The following SIGLEC14 variants were observed in gnomAD, a reference collection of about 807,000 sequenced individuals.
SIGLEC14 encodes sialic acid-binding Ig-like lectin 14.
A neutral mutation model predicts 34.2 loss-of-function variants in SIGLEC14; 11 were observed. That is an observed-to-expected ratio of 0.32 (90% CI 0.20 to 0.53). The LOEUF is 0.53. SIGLEC14 is among the 20% of genes least tolerant of loss of function. The probability of loss-of-function intolerance (pLI) is 0.95; values close to 1 mark genes in which losing one functional copy is unlikely to be tolerated. For synonymous variants in SIGLEC14, 99 were observed against 179.7 expected (o/e 0.55, Z 3.59); for missense variants, 264 against 439.0 (o/e 0.60, Z 3.56).
In SIGLEC14 at chr19:51,641,187, C is replaced by A. The variant is rs1365982339; in HGVS notation, c.*2168G>T. Among the ~76,000 whole-genome samples, 1 of 138,706 alleles carries A rather than the reference C, an allele frequency of 7.2e-6. No individual in the cohort carries two copies. Among genetic ancestry groups the A allele is most frequent in the Admixed American group, 6.9e-5 (1 of 14,392 alleles). 91.0% of individuals were successfully genotyped at this position (138,706 alleles called of 152,430 possible). ...GACAAAAAAGTTACCAGCTATAAAA[C>A]TGAACACCATTGGACAACTATGTCT... On this transcript the variant is annotated 3_prime_UTR_variant, in exon 7 of 7. Transcript: ENST00000360844.
At chr19:51,645,075 G>A (rs1474180842) in intron 4 of SIGLEC14, among the ~76,000 whole-genome samples, 1 of 138,238 alleles carries the variant, frequency 7.2e-6, no homozygotes, top group Non-Finnish European at 1.5e-5. Flanking sequence ...GTGACTGCTC[G>A]GTGGCAGGAG....
chr19:51,640,408 A>G lies in SIGLEC14; in HGVS notation c.*2947T>C, dbSNP rs893071151. On this transcript the variant is annotated 3_prime_UTR_variant, in exon 7 of 7. Coordinates refer to ENST00000360844, the MANE Select transcript of SIGLEC14 (RefSeq NM_001098612.3). ...TCCTTCCATCTTTCTGGACTGAGAAACAAGGGATGAAGCCCAGGGCAACTA... is the reference window on the plus strand; with the variant it reads ...TCCTTCCATCTTTCTGGACTGAGAAGCAAGGGATGAAGCCCAGGGCAACTA... Among the ~76,000 whole-genome samples, 4 of 139,066 alleles carry G rather than the reference A, an allele frequency of 2.9e-5. No homozygotes were observed. The highest frequency in any genetic ancestry group is 1.1e-4 in the African/African-American group (4 of 36,634). 91.2% of individuals were successfully genotyped at this position (139,066 alleles called of 152,430 possible). A position where few individuals can be genotyped will look rare whatever the true frequency, so the allele number is the denominator to read the frequency against.
In SIGLEC14 at chr19:51,645,577, T is replaced by G; in HGVS notation, c.701-47A>C. On this transcript the variant is annotated intron_variant, in intron 3 of 6. Coordinates refer to ENST00000360844, the MANE Select transcript of SIGLEC14 (RefSeq NM_001098612.3). ...CCAGCTTCAGAGGTGACAAGAGGGATGGGCGTGGTCCCGGGAGGGACCCAA... is the reference window on the plus strand; with the variant it reads ...CCAGCTTCAGAGGTGACAAGAGGGAGGGGCGTGGTCCCGGGAGGGACCCAA... The G allele has an allele frequency of 1.3e-6, 2 of 1,509,342 alleles. 1 individual carries two copies. Among genetic ancestry groups the G allele is most frequent in the African/African-American group, 3.0e-5 (2 of 66,898 alleles). 93.5% of individuals were successfully genotyped at this position (1,509,342 alleles called of 1,614,324 possible). A position where few individuals can be genotyped will look rare whatever the true frequency, so the allele number is the denominator to read the frequency against.
At position 51,640,188 on chromosome 19, in the gene SIGLEC14, A is replaced by G. The variant is rs1246694812; in HGVS notation, c.*3167T>C. Among the ~76,000 whole-genome samples, 1 of 139,814 alleles carries G rather than the reference A, an allele frequency of 7.2e-6. No homozygotes were observed. The highest frequency in any genetic ancestry group is 6.9e-5 in the Admixed American group (1 of 14,470). 91.7% of individuals were successfully genotyped at this position (139,814 alleles called of 152,430 possible). The stretch of plus-strand genomic sequence containing the variant: ...AACTCACCACAACACAACAAAACAA[A>G]CAAACAAAAAATCCTTACAAGTTAT... On this transcript the variant is annotated 3_prime_UTR_variant, in exon 7 of 7. Transcript: ENST00000360844.
intron 4 of SIGLEC14, 109 bp downstream of exon 4, chr19:51,645,368 C>T: frequency 6.6e-6 from 7 of 1,065,902 alleles, no homozygotes; most frequent in Non-Finnish European, 9.4e-6. Context: ...GCAGGAAGGA[C>T]CCAGACCCAG....
At position 51,643,386 on chromosome 19, in the gene SIGLEC14, G is replaced by C. The variant is rs1408734684; in HGVS notation, c.1160C>G (p.Pro387Arg). 7 of 1,519,400 alleles carry C rather than the reference G, an allele frequency of 4.6e-6. No individual in the cohort carries two copies. The Admixed American group carries it at 7.0e-5, about 15-fold the overall frequency. The allele number at this position is 1,519,400 out of a possible 1,614,324, so 94.1% of individuals were successfully genotyped here. ...AGGCCTCTCAGCCCTGCTCTGCTGGGGGCCTCCACACCTGCAGAGCCAACA... is the reference window on the plus strand; with the variant it reads ...AGGCCTCTCAGCCCTGCTCTGCTGGCGGCCTCCACACCTGCAGAGCCAACA... ...TWIYYTRCGG[P>R]QQSRAERPG Residue 387 changes from proline (P) to arginine (R), a missense_variant, in exon 7 of 7, where the codon CCC becomes CGC. Around this residue, in one of 5 missense-constraint regions of SIGLEC14, gnomAD observed 149 missense variants for 184.4 expected, o/e 0.81. Coordinates refer to ENST00000360844, the MANE Select transcript of SIGLEC14 (RefSeq NM_001098612.3).
rs1160324644 is a variant in SIGLEC14 at position 51,646,811 on chromosome 19, G to T, written c.-52C>A. On this transcript the variant is annotated 5_prime_UTR_variant, in exon 1 of 7. Transcript: ENST00000360844. Reference sequence around the variant, plus strand: ...AGTCCCAGGTCCGGCTGTCAGGGAAGGAAATGCTCCAAATGTCCAAACGTG... The same window carrying T: ...AGTCCCAGGTCCGGCTGTCAGGGAATGAAATGCTCCAAATGTCCAAACGTG... 1.8e-6 allele frequency: 1 copy of T among 553,660 alleles called. No homozygotes were observed. Among genetic ancestry groups the T allele is most frequent in the African/African-American group, 2.1e-5 (1 of 48,772 alleles). The allele number at this position is 553,660 out of a possible 1,614,324, so 34.3% of individuals were successfully genotyped here. A position where few individuals can be genotyped will look rare whatever the true frequency, so the allele number is the denominator to read the frequency against.
At chr19:51,645,361 G>T in intron 4 of SIGLEC14, 116 bp downstream of exon 4, 1 of 944,906 alleles carries the variant, frequency 1.1e-6, no homozygotes, top group Non-Finnish European at 1.6e-6. Flanking sequence ...GTTGGGAGCA[G>T]GAAGGACCCA....
chr19:51,643,553 A>C lies in SIGLEC14; in HGVS notation c.1132T>G (p.Trp378Gly), dbSNP rs748215344. Residue 378 changes from tryptophan (W) to glycine (G), a missense_variant, in exon 6 of 7, where the codon TGG (tryptophan) becomes GGG (glycine). Physicochemically the swap from Trp to Gly is radical, Grantham distance 184. Around this residue, in one of 5 missense-constraint regions of SIGLEC14, gnomAD observed 149 missense variants for 184.4 expected, o/e 0.81. Coordinates refer to ENST00000360844, the MANE Select transcript of SIGLEC14 (RefSeq NM_001098612.3). The part of the protein sequence containing the change: ...AGFLLTYGLT[W>G]IYYTRCGGPQ... ...CCGGCTCACCTGGTATAGTAGATCCAGGTGAGGCCATAGGTGAGGAGGAAG... is the reference window on the plus strand; with the variant it reads ...CCGGCTCACCTGGTATAGTAGATCCCGGTGAGGCCATAGGTGAGGAGGAAG... 6.6e-7 allele frequency: 1 copy of C among 1,524,202 alleles called. No individual in the cohort carries two copies. The highest frequency in any genetic ancestry group is 8.8e-7 in the Non-Finnish European group (1 of 1,137,820). The allele number at this position is 1,524,202 out of a possible 1,614,324, so 94.4% of individuals were successfully genotyped here.
rs1033337168 is a variant in SIGLEC14, at chr19:51,639,642, T to C, written c.*3713A>G. ...GAAGAGGAAAACACACTTCCTTCTG[T>C]TTCTTTTATGAGAACACTAATCCCA... On this transcript the variant is annotated 3_prime_UTR_variant, in exon 7 of 7. Transcript: ENST00000360844. 2 of 139,234 alleles carry C rather than the reference T, an allele frequency of 1.4e-5. No homozygotes were observed. The highest frequency in any genetic ancestry group is 1.5e-5 in the Non-Finnish European group (1 of 64,932). The allele number at this position is 139,234 out of a possible 1,614,324, so 8.6% of individuals were successfully genotyped here.
Position 51,645,922 on chromosome 19 carries a change from G to A in SIGLEC14, c.560C>T (p.Pro187Leu), listed in dbSNP as rs201983769. 5 of 1,483,762 alleles carry A rather than the reference G, an allele frequency of 3.4e-6. 1 individual carries two copies. The highest frequency in any genetic ancestry group is 4.5e-6 in the Non-Finnish European group (5 of 1,113,676). 91.9% of individuals were successfully genotyped at this position (1,483,762 alleles called of 1,614,324 possible). ...TFSWTGNALS[P>L]LDPETTRSSE... Reference sequence around the variant, plus strand: ...GGAGCGGGTGGTCTCGGGGTCCAGGGGGCTGAGGGCATTCCCCGTCCAGGA... The same window carrying A: ...GGAGCGGGTGGTCTCGGGGTCCAGGAGGCTGAGGGCATTCCCCGTCCAGGA... The change falls in exon 3 of 7, where the codon CCC becomes CTC. Residue 187 changes from proline (P) to leucine (L), a missense_variant. Coordinates refer to ENST00000360844, the MANE Select transcript of SIGLEC14 (RefSeq NM_001098612.3).
At position 51,643,634 on chromosome 19, in the gene SIGLEC14, G is replaced by A. The variant is rs1460426072; in HGVS notation, c.1051C>T (p.Gln351Ter). 1 of 1,531,396 alleles carries A rather than the reference G, an allele frequency of 6.5e-7. No homozygotes were observed. The highest frequency in any genetic ancestry group is 1.7e-5 in the Admixed American group (1 of 57,924). The allele number at this position is 1,531,396 out of a possible 1,614,324, so 94.9% of individuals were successfully genotyped here. Reference protein sequence around the residue: ...SSCICVTEKQQGSWPLVLTLI... With the variant: ...SSCICVTEKQ The stretch of plus-strand genomic sequence containing the variant: ...GTGAGGACGAGGGGCCAGGAGCCCT[G>A]CTGTTTCTCAGTTACACATATGCAG... The change falls in exon 6 of 7, where the codon CAG becomes TAG. Residue 351 changes from glutamine to a stop codon, truncating the protein, a stop_gained. Transcript: ENST00000360844. LOFTEE classifies it high-confidence loss of function.
intron 3 of SIGLEC14, 56 bp downstream of exon 3, chr19:51,645,726 A>ACC: frequency 1.6e-6 from 2 of 1,261,838 alleles, no homozygotes; most frequent in Non-Finnish European, 2.2e-6. Context: ...ACACACACAC[A>ACC]CCCCCCTCAC....
Position 51,639,960 on chromosome 19 carries a change from T to C in SIGLEC14, c.*3395A>G, listed in dbSNP as rs937254267. Reference sequence around the variant, plus strand: ...ATAAAAGCAGCAAGACATAAACAGATATTGCCTTAAATGGAACCACAATAA... The same window carrying C: ...ATAAAAGCAGCAAGACATAAACAGACATTGCCTTAAATGGAACCACAATAA... On this transcript the variant is annotated 3_prime_UTR_variant, in exon 7 of 7. Coordinates refer to ENST00000360844, the MANE Select transcript of SIGLEC14 (RefSeq NM_001098612.3). The C allele has an allele frequency of 1.4e-5, 2 of 139,554 alleles. No homozygotes were observed. The highest frequency in any genetic ancestry group is 3.1e-5 in the Non-Finnish European group (2 of 65,092). 8.6% of individuals were successfully genotyped at this position (139,554 alleles called of 1,614,324 possible).
Position 51,639,826 on chromosome 19 carries a change from A to G in SIGLEC14, c.*3529T>C. ...AAGTATATCAAGAGTTAAAGCATAT[A>G]GAAAAAAAGCAAATATTGCACTCTC... On this transcript the variant is annotated 3_prime_UTR_variant, in exon 7 of 7. Transcript: ENST00000360844. The G allele has an allele frequency of 1.4e-5, 2 of 139,724 alleles. 1 individual carries two copies. Among genetic ancestry groups the G allele is most frequent in the Non-Finnish European group, 3.1e-5 (2 of 65,194 alleles). 8.7% of individuals were successfully genotyped at this position (139,724 alleles called of 1,614,324 possible).
chr19:51,646,752 G>C lies in SIGLEC14; in HGVS notation c.8C>G (p.Pro3Arg). Residue 3 changes from proline (P) to arginine (R), a missense_variant, in exon 1 of 7, where the codon CCC becomes CGC. This residue lies in a region of SIGLEC14 where 30 missense variants were observed against 29.7 expected (regional missense o/e 1.01). Transcript: ENST00000360844. MLPLLLLPLLWGG... is the reference protein window; with the variant it reads MLRLLLLPLLWGG... ...CCACAGCAGGGGCAGCAGCAGCAGG[G>C]GCAGCATGTCTCCATCCGCCAGGGC... The C allele has an allele frequency of 1.6e-6, 1 of 640,028 alleles. No homozygotes were observed. The highest frequency in any genetic ancestry group is 3.0e-5 in the East Asian group (1 of 33,698). 39.6% of individuals were successfully genotyped at this position (640,028 alleles called of 1,614,324 possible). A position where few individuals can be genotyped will look rare whatever the true frequency, so the allele number is the denominator to read the frequency against.
At chr19:51,644,241 A>G (rs1196052576) in intron 4 of SIGLEC14, among the ~76,000 whole-genome samples, 1 of 138,164 alleles carries the variant, frequency 7.2e-6, no homozygotes, top group Non-Finnish European at 1.5e-5. Flanking sequence ...GATGAGGAGG[A>G]GTTCTCACAT....
At position 51,646,323 on chromosome 19, in the gene SIGLEC14, G is replaced by T; in HGVS notation, c.355C>A (p.Arg119Ser). 2.3e-6 allele frequency: 3 copies of T among 1,285,980 alleles called. 1 individual carries two copies. The highest frequency in any genetic ancestry group is 3.1e-6 in the Non-Finnish European group (3 of 968,056). The allele number at this position is 1,285,980 out of a possible 1,614,324, so 79.7% of individuals were successfully genotyped here. Reference protein sequence around the residue: ...RMEDTGSYFFRVERGRDVKYS... With the variant: ...RMEDTGSYFFSVERGRDVKYS... The stretch of plus-strand genomic sequence containing the variant: ...TTTACATCCCTTCCTCTCTCCACGC[G>T]GAAGAAATAGCTTCCCGTGTCCTCC... The change falls in exon 2 of 7, where the codon CGC (arginine) becomes AGC (serine). Residue 119 changes from arginine (R) to serine (S), a missense_variant. Physicochemically the swap from Arg to Ser is moderately radical, Grantham distance 110. Transcript: ENST00000360844.
chr19:51,644,087 C>T, intron 4 of SIGLEC14, 51 bp from the exon 5 acceptor site: 2 of 1,429,558 alleles, frequency 1.4e-6, no homozygotes, highest in Non-Finnish European at 1.8e-6. Flanking sequence ...GCCCAATTCT[C>T]CCTCATTCCT....
Sources: gnomAD v4.1 joint callset for allele counts (sites outside exome capture counted in the v4.1 genomes callset) on GRCh38, gnomAD v4.1.1 for gene constraint, gnomAD v4.1.1 regional missense constraint, MANE v1.5 for transcripts, NCBI Gene and HGNC (gene_info 2026-07-23, HGNC 2026-07-21) for gene names.